ARCN1: variants seen among roughly 807,000 people sequenced by gnomAD.
ARCN1 encodes the protein coatomer subunit delta.
ARCN1 carries 5 observed loss-of-function variants against 60.4 expected under a neutral mutation model. That is an observed-to-expected ratio of 0.08 (90% CI 0.04 to 0.17). ARCN1 has a LOEUF of 0.17. Ranked by LOEUF, ARCN1 falls within the 10% of genes least tolerant of loss-of-function variation. ARCN1 has a pLI of 1.00. For missense variants in ARCN1, 464 were observed against 626.5 expected, an observed-to-expected ratio of 0.74 and a Z score of 2.77; for synonymous variants, 224 against 220.0, an observed-to-expected ratio of 1.02 and a Z score of -0.16.
intron 2 of ARCN1, 68 bp downstream of exon 2, chr11:118,581,577 T>C: frequency 4.6e-6 from 7 of 1,518,940 alleles, no homozygotes; most frequent in Non-Finnish European, 6.2e-6. Flanking sequence ...TAGTTTTTCC[T>C]CCAAAGCAGC....
chr11:118,584,746 A>G (rs1938738778), intron 5 of ARCN1, 102 bp downstream of exon 5: 1 of 1,079,206 alleles, frequency 9.3e-7, no homozygotes, highest in South Asian at 1.9e-5. Context: ...TCTGTCTTTT[A>G]ATCGTTCCTG....
At chr11:118,576,337 A>G (rs1591379982) in intron 1 of ARCN1, among the ~76,000 whole-genome samples, 1 of 148,626 alleles carries the variant, frequency 6.7e-6, no homozygotes, top group East Asian at 2.0e-4. Context: ...AGATCATCTA[A>G]CTTATGGGCC....
chr11:118,593,898 T>C, intron 8 of ARCN1, 200 bp downstream of exon 8: 1 of 409,986 alleles, frequency 2.4e-6, no homozygotes. Context: ...GTAATACTAT[T>C]GAATAAAAAT....
chr11:118,573,687 A>T (rs1938411820), intron 1 of ARCN1: 3 of 702,688 alleles, frequency 4.3e-6, no homozygotes, highest in Non-Finnish European at 5.2e-6. Context: ...TGGCAATCCT[A>T]ATAAGTTCTA....
In ARCN1 at chr11:118,590,538, C is replaced by T. The variant is rs781920123; in HGVS notation, c.984+32C>T. ...AGAAGCTTTTGATAGGGAGTATTAA[C>T]ACTTTGTCTACCTATTATAGTCTTT... On this transcript the variant is annotated intron_variant, in intron 6 of 9. Coordinates refer to ENST00000264028, the MANE Select transcript of ARCN1 (RefSeq NM_001655.5). 6.3e-5 allele frequency: 101 copies of T among 1,606,126 alleles called. 1 individual carries two copies. In the South Asian group the frequency reaches 1.0e-3, roughly 17 times the overall value.
chr11:118,576,017 T>A (rs1938490205), intron 1 of ARCN1, among the ~76,000 whole-genome samples: 1 of 151,658 alleles, frequency 6.6e-6, no homozygotes, highest in Non-Finnish European at 1.5e-5. Context: ...ATGCTTAGAC[T>A]TACAGAACTT....
At chr11:118,584,743 T>C in intron 5 of ARCN1, 99 bp downstream of exon 5, 1 of 1,090,598 alleles carries the variant, frequency 9.2e-7, no homozygotes, top group African/African-American at 1.6e-5. Flanking sequence ...TTCTCTGTCT[T>C]TTAATCGTTC....
chr11:118,579,359 A>G (rs977908952), intron 1 of ARCN1, among the ~76,000 whole-genome samples: 4 of 151,930 alleles, frequency 2.6e-5, no homozygotes, highest in African/African-American at 9.7e-5. Context: ...CTTTTTGCCA[A>G]TTGTATAAAC....
intron 1 of ARCN1, among the ~76,000 whole-genome samples, chr11:118,578,168 T>A (rs200721695): frequency 7.6e-3 from 186 of 24,406 alleles, no homozygotes; most frequent in South Asian, 3.1e-3. Flanking sequence ...TCTCAAAAAA[T>A]AAATAAATAA....
intron 1 of ARCN1, among the ~76,000 whole-genome samples, chr11:118,574,235 C>T (rs1214435940): frequency 6.6e-6 from 1 of 152,126 alleles, no homozygotes; most frequent in African/African-American, 2.4e-5. Context: ...AACAATTTAT[C>T]TCAGTACATT....
chr11:118,589,586 T>A (rs1938852056), intron 5 of ARCN1, among the ~76,000 whole-genome samples: 1 of 151,888 alleles, frequency 6.6e-6, no homozygotes, highest in South Asian at 2.1e-4. Context: ...CCCGGCTAAT[T>A]TTGTTTTTGT....
chr11:118,581,021 A>G (rs1938637458), intron 1 of ARCN1, among the ~76,000 whole-genome samples: 1 of 152,130 alleles, frequency 6.6e-6, no homozygotes, highest in South Asian at 2.1e-4. Flanking sequence ...TTGTAGTCCC[A>G]GCCACTCAGG....
rs920748939 is a variant in ARCN1 at position 118,573,535 on chromosome 11, A to G, written c.3+985A>G. 7 of 541,656 alleles carry G rather than the reference A, an allele frequency of 1.3e-5. No homozygotes were observed. The Admixed American group carries it at 1.6e-4, about 12-fold the overall frequency. 33.6% of individuals were successfully genotyped at this position (541,656 alleles called of 1,614,324 possible). A position where few individuals can be genotyped will look rare whatever the true frequency, so the allele number is the denominator to read the frequency against. On this transcript the variant is annotated intron_variant, in intron 1 of 9. Transcript: ENST00000264028. ...GACATTCTTTGGTTTCAAAAAAGCT[A>G]GTAATTTATTTTTCAGTGCACCTTA...
At chr11:118,587,928 T>G (rs1938813390) in intron 5 of ARCN1, among the ~76,000 whole-genome samples, 1 of 152,184 alleles carries the variant, frequency 6.6e-6, no homozygotes, top group South Asian at 2.1e-4. Context: ...AGAGGACATT[T>G]TAAAGGATGC....
intron 5 of ARCN1, among the ~76,000 whole-genome samples, chr11:118,589,012 C>G (rs1938837108): frequency 6.7e-6 from 1 of 149,648 alleles, no homozygotes; most frequent in Non-Finnish European, 1.5e-5. Flanking sequence ...GAGTGAAACT[C>G]TATCTCAAAA....
chr11:118,584,386 A>G (rs1188598309), intron 4 of ARCN1, 94 bp from the exon 5 acceptor site: 1 of 1,219,304 alleles, frequency 8.2e-7, no homozygotes, highest in African/African-American at 1.5e-5. Flanking sequence ...GCACAGGTGT[A>G]TTTCTCTGGA....
intron 8 of ARCN1, among the ~76,000 whole-genome samples, chr11:118,597,234 C>G (rs531945385): frequency 6.6e-6 from 1 of 152,234 alleles, no homozygotes; most frequent in Admixed American, 6.5e-5. Flanking sequence ...AAAACAAATT[C>G]TCTCAAAGGC....
At chr11:118,590,171 T>C (rs554465593) in intron 5 of ARCN1, among the ~76,000 whole-genome samples, 170 bp from the exon 6 acceptor site, 2 of 152,018 alleles carry the variant, frequency 1.3e-5, no homozygotes, top group African/African-American at 4.8e-5. Context: ...AATTTTGTAT[T>C]TTTAGTAGAG....
chr11:118,590,087 C>G (rs994281200), intron 5 of ARCN1, among the ~76,000 whole-genome samples: 1 of 152,156 alleles, frequency 6.6e-6, no homozygotes, highest in African/African-American at 2.4e-5. Flanking sequence ...GCCTCTGCCT[C>G]GTGGTTCAAG....
Sources: allele counts gnomAD v4.1 joint callset (sites outside exome capture counted in the v4.1 genomes callset), GRCh38; gene constraint gnomAD v4.1.1; transcripts MANE v1.5; gene names NCBI Gene and HGNC (gene_info 2026-07-23, HGNC 2026-07-21).